Variants in RUNX2 observed in about 807,000 individuals in gnomAD.
RUNX2 encodes runt-related transcription factor 2.
In RUNX2, 10 loss-of-function variants were observed where a neutral mutation model predicts 51.7. That is an observed-to-expected ratio of 0.19 (90% CI 0.12 to 0.33). RUNX2 has a LOEUF of 0.33. Ranked by LOEUF, RUNX2 falls within the 10% of genes least tolerant of loss-of-function variation. The pLI, the probability that RUNX2 is intolerant of heterozygous loss-of-function variation, is 1.00. For missense variants in RUNX2, 562 were observed against 691.3 expected (o/e 0.81, Z 2.10); for synonymous variants, 276 against 273.6 (o/e 1.01, Z -0.09).
intron 6 of RUNX2, among the ~76,000 whole-genome samples, chr6:45,493,949 T>C (rs1365809861): frequency 1.3e-5 from 2 of 152,196 alleles, no homozygotes; most frequent in African/African-American, 4.8e-5. Context: ...TGACTAATGC[T>C]TTAGAAATGG....
intron 2 of RUNX2, among the ~76,000 whole-genome samples, chr6:45,372,847 T>C (rs972243940): frequency 3.4e-4 from 51 of 152,018 alleles, no homozygotes; most frequent in Non-Finnish European, 7.4e-5. Flanking sequence ...AGATGGAGTT[T>C]TGCTCTGTCA....
At chr6:45,485,697 G>GA (rs1554394672) in intron 5 of RUNX2, among the ~76,000 whole-genome samples, 1 of 104,034 alleles carries the variant, frequency 9.6e-6, no homozygotes, top group South Asian at 3.0e-4. Flanking sequence ...GTGTGTGTGT[G>GA]TATATATATA....
intron 7 of RUNX2, among the ~76,000 whole-genome samples, chr6:45,538,657 C>T (rs574662306): frequency 1.3e-5 from 2 of 151,718 alleles, no homozygotes; most frequent in African/African-American, 4.8e-5. Flanking sequence ...CCCTTTTTTC[C>T]TCCTTTTTTC....
intron 7 of RUNX2, among the ~76,000 whole-genome samples, chr6:45,536,809 T>C (rs1802050754): frequency 6.6e-6 from 1 of 152,202 alleles, no homozygotes; most frequent in South Asian, 2.1e-4. Context: ...CATTGGGCTT[T>C]GTGGTGATTA....
intron 2 of RUNX2, chr6:45,421,333 A>T (rs1798181255): frequency 6.6e-6 from 1 of 152,208 alleles, no homozygotes; most frequent in Admixed American, 6.5e-5. Flanking sequence ...TGAATATATA[A>T]GAAAAAAGAA....
chr6:45,346,061 T>C (rs756174917), intron 2 of RUNX2, among the ~76,000 whole-genome samples: 1 of 152,128 alleles, frequency 6.6e-6, no homozygotes, highest in Non-Finnish European at 1.5e-5. Flanking sequence ...AACGACACTA[T>C]TTTCACTGGC....
chr6:45,339,722 T>A (rs1298463208), intron 2 of RUNX2, among the ~76,000 whole-genome samples: 1 of 152,162 alleles, frequency 6.6e-6, no homozygotes, highest in Non-Finnish European at 1.5e-5. Context: ...AATCCAAAAC[T>A]TTATTTTAAA....
chr6:45,398,902 C>G (rs1249150515), intron 2 of RUNX2, among the ~76,000 whole-genome samples: 1 of 152,188 alleles, frequency 6.6e-6, no homozygotes, highest in Non-Finnish European at 1.5e-5. Flanking sequence ...AAGTCACACA[C>G]CTGGTAAATG....
intron 7 of RUNX2, among the ~76,000 whole-genome samples, chr6:45,515,902 A>C (rs1389964374): frequency 1.3e-5 from 2 of 152,206 alleles, no homozygotes; most frequent in East Asian, 3.8e-4. Flanking sequence ...AGAAACAACC[A>C]GAAAGATCCA....
intron 7 of RUNX2, among the ~76,000 whole-genome samples, chr6:45,513,809 CT>C (rs1384409882): frequency 6.6e-6 from 1 of 152,172 alleles, no homozygotes; most frequent in Non-Finnish European, 1.5e-5. Flanking sequence ...TATCATTTCC[CT>C]TGCCTGGGAT....
At chr6:45,442,511 A>C (rs984894387) in intron 5 of RUNX2, among the ~76,000 whole-genome samples, 1 of 152,228 alleles carries the variant, frequency 6.6e-6, no homozygotes, top group African/African-American at 2.4e-5. Flanking sequence ...CTTGGTTAGC[A>C]ACATCATATT....
At chr6:45,446,660 G>GA (rs75105041) in intron 5 of RUNX2, among the ~76,000 whole-genome samples, 2 of 151,462 alleles carry the variant, frequency 1.3e-5, no homozygotes, top group Non-Finnish European at 2.9e-5. Context: ...AAATAGCAGG[G>GA]AAAAAAAAGA....
intron 6 of RUNX2, among the ~76,000 whole-genome samples, chr6:45,502,142 A>G (rs1800815335): frequency 1.3e-5 from 2 of 152,134 alleles, no homozygotes; most frequent in Non-Finnish European, 1.5e-5. Flanking sequence ...CCCCTTGAGT[A>G]CTAGTTACCT....
chr6:45,355,704 A>G (rs1163827913), intron 2 of RUNX2, among the ~76,000 whole-genome samples: 1 of 152,208 alleles, frequency 6.6e-6, no homozygotes, highest in Non-Finnish European at 1.5e-5. Context: ...ATACTTCTAA[A>G]GGATTAGAGA....
At chr6:45,388,378 C>T (rs1222409470) in intron 2 of RUNX2, among the ~76,000 whole-genome samples, 1 of 152,200 alleles carries the variant, frequency 6.6e-6, no homozygotes, top group African/African-American at 2.4e-5. Flanking sequence ...TAACCAGAGG[C>T]TTGTTAAATT....
chr6:45,379,361 T>G (rs1797170242), intron 2 of RUNX2, among the ~76,000 whole-genome samples: 1 of 152,070 alleles, frequency 6.6e-6, no homozygotes. Context: ...TACCAAGAAA[T>G]TAGTTAACAG....
chr6:45,464,726 C>T (rs141236303), intron 5 of RUNX2, among the ~76,000 whole-genome samples: 1 of 152,330 alleles, frequency 6.6e-6, no homozygotes, highest in East Asian at 1.9e-4. Context: ...TCACTTTTCT[C>T]ATTTTACCCT....
At chr6:45,377,648 G>A (rs924007203) in intron 2 of RUNX2, 3 of 152,190 alleles carry the variant, frequency 2.0e-5, no homozygotes, top group African/African-American at 7.2e-5. Flanking sequence ...CTCGAGCCGG[G>A]GCCAGGGCGT....
At chr6:45,409,701 A>T (rs139143160) in intron 2 of RUNX2, among the ~76,000 whole-genome samples, 1 of 152,234 alleles carries the variant, frequency 6.6e-6, no homozygotes, top group African/African-American at 2.4e-5. Context: ...TAATATGAAA[A>T]TTTCCTATTT....
Sources: allele counts gnomAD v4.1 joint callset (sites outside exome capture counted in the v4.1 genomes callset), GRCh38; gene constraint gnomAD v4.1.1; transcripts MANE v1.5; gene names NCBI Gene and HGNC (gene_info 2026-07-23, HGNC 2026-07-21).